The following ZNF782 variants were observed in gnomAD, a reference collection of about 807,000 sequenced individuals.
The protein encoded by ZNF782 is zinc finger protein 782.
A neutral mutation model predicts 13.0 loss-of-function variants in ZNF782; 12 were observed. The ratio of observed to expected loss-of-function variants is 0.92; its 90% confidence interval spans 0.59 to 1.50. ZNF782 has a LOEUF of 1.50. ZNF782 is among the 40% of genes most tolerant of loss of function. ZNF782 has a pLI of 0.00. For synonymous variants in ZNF782, 284 were observed against 283.0 expected (o/e 1.00, Z -0.04); for missense variants, 770 against 822.9 (o/e 0.94, Z 0.79).
chr9:96,824,342 C>G (rs1850530698), intron 5 of ZNF782, among the ~76,000 whole-genome samples: 1 of 147,260 alleles, frequency 6.8e-6, no homozygotes. Context: ...AGGCCTTTGA[C>G]AAAATTCAAC....
intron 3 of ZNF782, among the ~76,000 whole-genome samples, chr9:96,845,854 T>G (rs1025085899): frequency 6.6e-6 from 1 of 152,206 alleles, no homozygotes; most frequent in Admixed American, 6.5e-5. Flanking sequence ...CAAAGAACTC[T>G]TGGAAAATCC....
Position 96,844,902 on chromosome 9 carries a change from G to A in ZNF782, c.130C>T (p.Leu44Phe). 6.2e-7 allele frequency: 1 copy of A among 1,613,980 alleles called. No homozygotes were observed. Among genetic ancestry groups the A allele is most frequent in the Non-Finnish European group, 8.5e-7 (1 of 1,179,916 alleles). Residue 44 changes from leucine to phenylalanine, a missense_variant, in exon 4 of 6, where the codon CTC (leucine) becomes TTC (phenylalanine). Leu to Phe is a conservative substitution (Grantham distance 22, BLOSUM62 0). Transcript: ENST00000481138. ...RDVMLENYSH[L>F]VSVGYCFTKP... ...AAGCTGTGCTCACCCACTGAGACGA[G>A]GTGGCTGTAGTTCTCCAGCATCACA...
intron 1 of ZNF782, among the ~76,000 whole-genome samples, chr9:96,870,790 A>G (rs1270238721): frequency 1.3e-5 from 2 of 152,250 alleles, no homozygotes; most frequent in Non-Finnish European, 2.9e-5. Context: ...TTAACAACTC[A>G]TAAAGCCACT....
chr9:96,880,431 C>T (rs138715079), upstream of ZNF782, among the ~76,000 whole-genome samples: 4 of 152,170 alleles, frequency 2.6e-5, no homozygotes, highest in South Asian at 2.1e-4. Context: ...TGTGGTTCCT[C>T]GTTTTTTAGG....
chr9:96,922,652 T>C, the ZNF782 span, among the ~76,000 whole-genome samples: 1 of 151,182 alleles, frequency 6.6e-6, no homozygotes, highest in Non-Finnish European at 1.5e-5. Flanking sequence ...CAGGTGCCTG[T>C]AGTCCCAGCT....
At chr9:96,879,540 G>A (rs1851937545), upstream of ZNF782, among the ~76,000 whole-genome samples, 1 of 152,118 alleles carries the variant, frequency 6.6e-6, no homozygotes, top group Non-Finnish European at 1.5e-5. Flanking sequence ...GACACTTAAA[G>A]GCATCTAATA....
At chr9:96,883,797 A>G in the ZNF782 span, among the ~76,000 whole-genome samples, 3 of 152,264 alleles carry the variant, frequency 2.0e-5, no homozygotes, top group African/African-American at 7.2e-5. Flanking sequence ...ACATGGAAGA[A>G]GATGGGCTGT....
the ZNF782 span, among the ~76,000 whole-genome samples, chr9:96,902,435 A>AC: frequency 7.3e-6 from 1 of 136,600 alleles, no homozygotes; most frequent in Non-Finnish European, 1.5e-5. Flanking sequence ...AAAAAAAAAA[A>AC]AAAAAGATAC....
intron 1 of ZNF782, among the ~76,000 whole-genome samples, chr9:96,866,827 G>C (rs1851759733): frequency 6.6e-6 from 1 of 152,242 alleles, no homozygotes; most frequent in South Asian, 2.1e-4. Flanking sequence ...AGTCAAAGGA[G>C]ATCACTCTGG....
chr9:96,818,430 C>T lies in ZNF782; in HGVS notation c.1593G>A (p.Glu531=), dbSNP rs981948295. Residue 531 remains glutamate, a synonymous_variant, in exon 6 of 6, where the codon GAG becomes GAA. Transcript: ENST00000481138. ...CACACTGATTACATTTGTAGGGCTT[C>T]TCCCCTGTGTGTGTTCTATGATGTT... is the stretch of plus-strand genomic sequence containing the variant. ...LRKHHRTHTG[E]KPYKCNQCGK... 1 of 1,614,042 alleles carries T rather than the reference C, an allele frequency of 6.2e-7. No individual in the cohort carries two copies. Among genetic ancestry groups the T allele is most frequent in the African/African-American group, 1.3e-5 (1 of 74,922 alleles).
the ZNF782 span, among the ~76,000 whole-genome samples, chr9:96,929,816 T>C: frequency 6.6e-6 from 1 of 152,070 alleles, no homozygotes; most frequent in Non-Finnish European, 1.5e-5. Flanking sequence ...TTTGTGTTAC[T>C]GTGGAGGTGA....
At chr9:96,918,700 G>C in the ZNF782 span, 1 of 154,818 alleles carries the variant, frequency 6.5e-6, no homozygotes, top group Non-Finnish European at 1.4e-5. Flanking sequence ...ACATCCAGAG[G>C]GAGCCCTGCC....
At chr9:96,886,373 C>T in the ZNF782 span, among the ~76,000 whole-genome samples, 1 of 152,174 alleles carries the variant, frequency 6.6e-6, no homozygotes, top group African/African-American at 2.4e-5. Flanking sequence ...TCCAACCTCT[C>T]ATGAGTTTCT....
chr9:96,910,266 A>C, the ZNF782 span: 7 of 597,880 alleles, frequency 1.2e-5, no homozygotes, highest in Non-Finnish European at 2.3e-5. Context: ...GAGGAAGAGG[A>C]GGAGGAAAAA....
At chr9:96,905,855 A>G in the ZNF782 span, among the ~76,000 whole-genome samples, 1 of 152,158 alleles carries the variant, frequency 6.6e-6, no homozygotes, top group Non-Finnish European at 1.5e-5. Flanking sequence ...AAGTGCTGGG[A>G]TGACAGGCAT....
chr9:96,860,642 C>CA (rs1320759285), intron 2 of ZNF782, among the ~76,000 whole-genome samples: 5 of 152,066 alleles, frequency 3.3e-5, no homozygotes, highest in Admixed American at 1.3e-4. Flanking sequence ...CTACCCTGAG[C>CA]AAAAAACAAA....
intron 5 of ZNF782, among the ~76,000 whole-genome samples, chr9:96,825,644 C>T (rs1295371721): frequency 9.9e-5 from 15 of 152,106 alleles, no homozygotes; most frequent in South Asian, 2.1e-4. Context: ...AGAAAATTTT[C>T]GCAACCTACT....
chr9:96,914,222 G>A, the ZNF782 span, among the ~76,000 whole-genome samples: 14 of 151,538 alleles, frequency 9.2e-5, no homozygotes, highest in Non-Finnish European at 1.5e-4. Flanking sequence ...CCTGGGTTCA[G>A]GCAATTCTCC....
exon 1 of ZNF782, chr9:96,875,511 G>C (rs1445710277): frequency 2.2e-6 from 1 of 456,766 alleles, no homozygotes; most frequent in South Asian, 1.5e-5. Flanking sequence ...GGTCTCCACA[G>C]CTCGGGGTCT....
Sources: allele counts gnomAD v4.1 joint callset (sites outside exome capture counted in the v4.1 genomes callset), GRCh38; gene constraint gnomAD v4.1.1; transcripts MANE v1.5; gene names NCBI Gene and HGNC (gene_info 2026-07-23, HGNC 2026-07-21).